Variants in THSD7B observed in about 807,000 individuals in gnomAD.
THSD7B encodes the protein thrombospondin type 1 domain containing 7B, also known as thrombospondin type-1 domain-containing protein 7B.
Under a neutral mutation model 213.6 loss-of-function variants are expected in THSD7B, and 138 were observed. That is an observed-to-expected ratio of 0.65 (90% CI 0.56 to 0.74). The LOEUF is 0.74. Among genes scored for constraint, THSD7B ranks in the 30% least tolerant of loss-of-function variants. The pLI is 0.00. For missense variants in THSD7B, 1,931 were observed against 1,991.5 expected (o/e 0.97, Z 0.58); for synonymous variants, 742 against 687.0 (o/e 1.08, Z -1.25).
At chr2:137,512,382 C>CTTTTT (rs70978233) in intron 15 of THSD7B, among the ~76,000 whole-genome samples, 2 of 81,382 alleles carry the variant, frequency 2.5e-5, no homozygotes, top group African/African-American at 6.3e-5. Context: ...CATTTATTTC[C>CTTTTT]TTTTTTTTTT....
At chr2:137,119,375 T>C (rs1185400764) in intron 5 of THSD7B, among the ~76,000 whole-genome samples, 1 of 152,226 alleles carries the variant, frequency 6.6e-6, no homozygotes, top group Non-Finnish European at 1.5e-5. Flanking sequence ...GTTGTAATAA[T>C]AATTGAACTA....
At chr2:137,140,646 G>A (rs1413299392) in intron 5 of THSD7B, among the ~76,000 whole-genome samples, 1 of 152,014 alleles carries the variant, frequency 6.6e-6, no homozygotes, top group Non-Finnish European at 1.5e-5. Flanking sequence ...GCTTTTTGGA[G>A]TTTATTTTTA....
chr2:136,825,172 C>A (rs1363899444), intron 1 of THSD7B, among the ~76,000 whole-genome samples: 1 of 152,096 alleles, frequency 6.6e-6, no homozygotes, highest in East Asian at 1.9e-4. Context: ...AGAAAATTAT[C>A]CTATTTTACA....
intron 17 of THSD7B, among the ~76,000 whole-genome samples, chr2:137,589,243 T>G (rs551974148): frequency 7.2e-5 from 11 of 152,324 alleles, no homozygotes; most frequent in African/African-American, 1.7e-4. Context: ...AAAAAAATAC[T>G]TATTTAAGTT....
intron 3 of THSD7B, among the ~76,000 whole-genome samples, chr2:137,080,429 G>T (rs1174127457): frequency 6.9e-6 from 1 of 145,222 alleles, no homozygotes; most frequent in Middle Eastern, 3.7e-3. Context: ...GGCCAGGCTG[G>T]TCTCAAACTC....
At chr2:137,256,176 T>C (rs1682304960) in intron 10 of THSD7B, among the ~76,000 whole-genome samples, 4 of 152,170 alleles carry the variant, frequency 2.6e-5, no homozygotes, top group Admixed American at 2.6e-4. Flanking sequence ...TAAATATTTG[T>C]TGAATGAATA....
At chr2:137,493,122 CAAAAAAAAAA>C (rs376770053) in intron 15 of THSD7B, among the ~76,000 whole-genome samples, 11 of 44,222 alleles carry the variant, frequency 2.5e-4, no homozygotes, top group South Asian at 2.0e-3. Context: ...CTCTCTCTCT[CAAAAAAAAAA>C]AAAAAAAAAA....
chr2:136,908,691 A>G (rs988244665), intron 2 of THSD7B, among the ~76,000 whole-genome samples: 1 of 152,206 alleles, frequency 6.6e-6, no homozygotes, highest in Non-Finnish European at 1.5e-5. Flanking sequence ...TGAATGACAT[A>G]ATACCTTAGG....
chr2:137,017,373 A>G (rs1686361430), intron 2 of THSD7B, among the ~76,000 whole-genome samples: 1 of 152,012 alleles, frequency 6.6e-6, no homozygotes, highest in Admixed American at 6.6e-5. Context: ...GAGATTGGAA[A>G]AGAGACATGT....
At chr2:137,497,645 A>G (rs1679602773) in intron 15 of THSD7B, among the ~76,000 whole-genome samples, 2 of 152,072 alleles carry the variant, frequency 1.3e-5, no homozygotes, top group African/African-American at 4.8e-5. Context: ...TATTTCCCCA[A>G]TGAAGAATTT....
intron 3 of THSD7B, among the ~76,000 whole-genome samples, chr2:137,078,007 A>T (rs1037447491): frequency 6.6e-6 from 1 of 152,066 alleles, no homozygotes; most frequent in Non-Finnish European, 1.5e-5. Flanking sequence ...TTTGTATAAG[A>T]TGTAAGGAAG....
chr2:137,563,104 G>A, intron 15 of THSD7B, 117 bp from the exon 16 acceptor site: 1 of 1,127,082 alleles, frequency 8.9e-7, no homozygotes, highest in Non-Finnish European at 1.2e-6. Context: ...TAATTTGGCT[G>A]TTTGGGCCAG....
At chr2:137,028,269 G>A (rs780820844) in intron 2 of THSD7B, among the ~76,000 whole-genome samples, 4 of 152,168 alleles carry the variant, frequency 2.6e-5, no homozygotes, top group African/African-American at 9.7e-5. Flanking sequence ...CACTGCATTG[G>A]TTAGACAGTC....
intron 2 of THSD7B, among the ~76,000 whole-genome samples, chr2:136,917,015 C>T (rs1212014575): frequency 6.6e-6 from 1 of 152,122 alleles, no homozygotes; most frequent in East Asian, 1.9e-4. Flanking sequence ...TATAGAAATA[C>T]CTAGAAAAAT....
chr2:137,655,283 G>T (rs893546308), intron 21 of THSD7B, among the ~76,000 whole-genome samples: 3 of 152,078 alleles, frequency 2.0e-5, no homozygotes, highest in African/African-American at 7.2e-5. Context: ...AAGTACATAG[G>T]TTCCATGGCA....
chr2:137,295,126 T>C (rs1355893368), intron 12 of THSD7B, among the ~76,000 whole-genome samples: 2 of 152,146 alleles, frequency 1.3e-5, no homozygotes, highest in Admixed American at 6.6e-5. Context: ...GAGTTTACAA[T>C]TGGCTCAATT....
intron 5 of THSD7B, among the ~76,000 whole-genome samples, chr2:137,140,536 CAG>C (rs1188803091): frequency 6.6e-6 from 1 of 152,070 alleles, no homozygotes; most frequent in Non-Finnish European, 1.5e-5. Flanking sequence ...ATTTCATTAA[CAG>C]TGTCTAAGCT....
chr2:137,367,722 T>G (rs1358685306), intron 12 of THSD7B, among the ~76,000 whole-genome samples: 1 of 152,124 alleles, frequency 6.6e-6, no homozygotes, highest in African/African-American at 2.4e-5. Context: ...CATGGTTGGG[T>G]TCTGGTGAAG....
At position 137,642,504 on chromosome 2, in the gene THSD7B, T is replaced by G. The variant is rs568800884; in HGVS notation, c.3816T>G (p.Thr1272=). The stretch of plus-strand genomic sequence containing the variant: ...TCATTTTAGGTCGAATGAGCCGGAC[T>G]CGATTTATCATTATGCCAACCCAAG... The part of the protein sequence containing the change: ...TCGHGGRMSR[T]RFIIMPTQGE... Residue 1272 remains threonine, a synonymous_variant, in exon 21 of 28, where the codon ACT becomes ACG. Coordinates refer to ENST00000409968, the MANE Select transcript of THSD7B (RefSeq NM_001316349.2). 5.0e-6 allele frequency: 8 copies of G among 1,613,860 alleles called. No homozygotes were observed. Among genetic ancestry groups the G allele is most frequent in the Non-Finnish European group, 5.9e-6 (7 of 1,179,848 alleles).
Sources: gnomAD v4.1 joint callset for allele counts (sites outside exome capture counted in the v4.1 genomes callset) on GRCh38, gnomAD v4.1.1 for gene constraint, MANE v1.5 for transcripts, NCBI Gene and HGNC (gene_info 2026-07-23, HGNC 2026-07-21) for gene names.